Variants in MYO7B observed in about 807,000 individuals in gnomAD.
MYO7B encodes unconventional myosin-VIIb.
In MYO7B, 212 loss-of-function variants were observed where a neutral mutation model predicts 259.7. That is an observed-to-expected ratio of 0.82 (90% CI 0.73 to 0.91). The LOEUF (loss-of-function observed/expected upper bound fraction) is 0.91, where lower values mean the gene tolerates loss of function less well. Among genes scored for constraint, MYO7B ranks in the 40% least tolerant of loss-of-function variants. The probability of loss-of-function intolerance (pLI) is 0.00; values close to 1 mark genes in which losing one functional copy is unlikely to be tolerated. For synonymous variants in MYO7B, 1,197 were observed against 1,166.4 expected (o/e 1.03, Z -0.54); for missense variants, 2,732 against 2,813.5 (o/e 0.97, Z 0.66).
Position 127,585,888 on chromosome 2 carries a change from A to G in MYO7B, c.1690+975A>G, listed in dbSNP as rs770675273. Among the ~76,000 whole-genome samples the G allele has an allele frequency of 3.3e-5, 5 of 152,176 alleles. No homozygotes were observed. The highest frequency in any genetic ancestry group is 4.8e-5 in the African/African-American group (2 of 41,444). On this transcript the variant is annotated intron_variant, in intron 14 of 47. Coordinates refer to ENST00000409816, the MANE Select transcript of MYO7B (RefSeq NM_001393586.1). This position sits in a 1 kb window ranked among gnomAD's most constrained non-coding sequence, Gnocchi z 4.3. ...GCACGTCTTCTTTGGAGGGATGTCT[A>G]TTTAAATGCTCTGCCTGTGTTTTCA...
intron 1 of MYO7B, among the ~76,000 whole-genome samples, chr2:127,540,718 AT>A (rs1274743067): frequency 4.6e-5 from 7 of 152,202 alleles, no homozygotes; most frequent in African/African-American, 1.4e-4. Context: ...CTCAAGGACC[AT>A]CCCACAAATG....
At chr2:127,575,867 C>A (rs540152248) in intron 7 of MYO7B, among the ~76,000 whole-genome samples, 1 of 152,128 alleles carries the variant, frequency 6.6e-6, no homozygotes, top group Non-Finnish European at 1.5e-5. Context: ...GTAATCTTCC[C>A]GCCTCAGCCT....
rs370983220 is a variant in MYO7B at position 127,578,216 on chromosome 2, C to T, written c.933C>T (p.Ser311=). 4.4e-5 allele frequency: 71 copies of T among 1,613,748 alleles called. No homozygotes were observed. In the Middle Eastern group the frequency reaches 1.8e-3, roughly 41 times the overall value. Residue 311 remains serine, a synonymous_variant, in exon 9 of 48, where the codon TCC becomes TCT. Coordinates refer to ENST00000409816, the MANE Select transcript of MYO7B (RefSeq NM_001393586.1). ...CGGCCATGAAGATCCTCCAGTTCTC[C>T]GACTCCGAGAGCTGGGACGTCATCA... is the stretch of plus-strand genomic sequence containing the variant. ...IRSAMKILQF[S]DSESWDVIKL... is the part of the protein sequence containing the mutation.
At chr2:127,554,302 G>A (rs955153898) in intron 1 of MYO7B, among the ~76,000 whole-genome samples, 4 of 152,140 alleles carry the variant, frequency 2.6e-5, no homozygotes, top group African/African-American at 9.7e-5. Context: ...TCAAGCTCCC[G>A]GCCTCAAGTG....
chr2:127,583,443 C>T (rs1278145597), intron 12 of MYO7B, among the ~76,000 whole-genome samples: 1 of 152,172 alleles, frequency 6.6e-6, no homozygotes, highest in African/African-American at 2.4e-5. Context: ...AATGCACTCT[C>T]TAAGGCATAG....
chr2:127,603,510 C>G (rs150064048), intron 19 of MYO7B, among the ~76,000 whole-genome samples: 1 of 152,124 alleles, frequency 6.6e-6, no homozygotes, highest in South Asian at 2.1e-4. Context: ...TGAAAGAAAT[C>G]TTTTTTTCTG....
Position 127,636,197 on chromosome 2 carries a change from C to T in MYO7B, c.6007-11C>T, listed in dbSNP as rs552910749. On this transcript the variant is annotated splice_polypyrimidine_tract_variant and intron_variant, in intron 44 of 47. Coordinates refer to ENST00000409816, the MANE Select transcript of MYO7B (RefSeq NM_001393586.1). The surrounding 1 kb of genome is among the most constrained non-coding windows in gnomAD (Gnocchi z 4.5). ...GGCACCCAAGTCCTTACTGGCCCTC[C>T]TGTCCCCCAGAGCATCCTTCTAGCC... 1 of 1,605,608 alleles carries T rather than the reference C, an allele frequency of 6.2e-7. No homozygotes were observed. Among genetic ancestry groups the T allele is most frequent in the Admixed American group, 1.7e-5 (1 of 59,696 alleles).
At chr2:127,620,507 T>G in intron 27 of MYO7B, 41 bp downstream of exon 27, 1 of 1,483,582 alleles carries the variant, frequency 6.7e-7, no homozygotes. Context: ...GGGGGCAGGT[T>G]CTGGTGGGAG....
At chr2:127,575,998 A>G (rs1006337161) in intron 7 of MYO7B, among the ~76,000 whole-genome samples, 1 of 152,166 alleles carries the variant, frequency 6.6e-6, no homozygotes, top group Non-Finnish European at 1.5e-5. Flanking sequence ...AAAAATACAG[A>G]AGGCACCCTA....
intron 26 of MYO7B, among the ~76,000 whole-genome samples, chr2:127,617,259 T>C (rs961370371): frequency 7.9e-5 from 12 of 152,130 alleles, no homozygotes; most frequent in Non-Finnish European, 1.8e-4. Flanking sequence ...ATCCTTCCTC[T>C]CCCGTTCACC....
At position 127,580,627 on chromosome 2, in the gene MYO7B, C is replaced by T. The variant is rs565153617; in HGVS notation, c.1004-119C>T. On this transcript the variant is annotated intron_variant, in intron 9 of 47. Transcript: ENST00000409816. ...GGACACTGGGAGAGACCGTGGCTTA[C>T]GCCAGGGCAGCTGTCCTCCTGAGTG... 3.4e-4 allele frequency: 327 copies of T among 975,656 alleles called. 4 individuals are homozygous for T. In the South Asian group the frequency reaches 4.6e-3, roughly 14 times the overall value. The allele number at this position is 975,656 out of a possible 1,614,324, so 60.4% of individuals were successfully genotyped here. A position where few individuals can be genotyped will look rare whatever the true frequency, so the allele number is the denominator to read the frequency against.
intron 17 of MYO7B, 54 bp from the exon 18 acceptor site, chr2:127,593,492 C>T (rs1679648306): frequency 1.3e-6 from 2 of 1,538,666 alleles, no homozygotes; most frequent in Middle Eastern, 1.8e-4. Flanking sequence ...CCCAGAGAGC[C>T]GCCGAGGGGT....
chr2:127,588,593 G>A, intron 15 of MYO7B, 38 bp downstream of exon 15: 1 of 1,610,342 alleles, frequency 6.2e-7, no homozygotes, highest in Non-Finnish European at 8.5e-7. Flanking sequence ...TGTCACCCCT[G>A]ATGGCTACAG....
At chr2:127,629,025 G>A (rs1184962254) in intron 34 of MYO7B, among the ~76,000 whole-genome samples, 2 of 152,234 alleles carry the variant, frequency 1.3e-5, no homozygotes, top group African/African-American at 4.8e-5. Context: ...GGCTGTGTCT[G>A]TGGGCTATGG....
In MYO7B at chr2:127,636,231, G is replaced by A. The variant is rs1301549040; in HGVS notation, c.6030G>A (p.Lys2010=). The A allele has an allele frequency of 1.9e-6, 3 of 1,613,434 alleles. No homozygotes were observed. Among genetic ancestry groups the A allele is most frequent in the Non-Finnish European group, 8.5e-7 (1 of 1,179,674 alleles). ...WKKSILLAYD[K]HKDKTVEEAK... ...AGAGCATCCTTCTAGCCTATGACAA[G>A]CATAAGGACAAGACAGTGGAGGAGG... The change falls in exon 45 of 48, where the codon AAG becomes AAA. Residue 2010 remains lysine, a synonymous_variant. Transcript: ENST00000409816. The surrounding 1 kb of genome is among the most constrained non-coding windows in gnomAD (Gnocchi z 4.5).
chr2:127,634,271 C>T lies in MYO7B; in HGVS notation c.5607C>T (p.Phe1869=), dbSNP rs1230021554. 2 of 1,582,292 alleles carry T rather than the reference C, an allele frequency of 1.3e-6. No homozygotes were observed. Among genetic ancestry groups the T allele is most frequent in the Non-Finnish European group, 1.7e-6 (2 of 1,168,650 alleles). The change falls in exon 41 of 48, where the codon TTC becomes TTT. Residue 1869 remains phenylalanine, a synonymous_variant. Transcript: ENST00000409816. The stretch of plus-strand genomic sequence containing the variant: ...CCTCCTGGGAGGGCTGCAGCCTCTT[C>T]ATCAAGATTTCAGACAAGGTGGGCC... ...QLASWEGCSL[F]IKISDKVISQ...
rs1045239933 is a variant in MYO7B at position 127,586,140 on chromosome 2, A to T, written c.1690+1227A>T. ...AGAGTCCAGGGTCAAATACAAAGTC[A>T]TGAAGATTTATCCCTATGTTTTCTT... On this transcript the variant is annotated intron_variant, in intron 14 of 47. Transcript: ENST00000409816. This position sits in a 1 kb window ranked among gnomAD's most constrained non-coding sequence, Gnocchi z 4.8. Among the ~76,000 whole-genome samples, 1 of 152,208 alleles carries T rather than the reference A, an allele frequency of 6.6e-6. No individual in the cohort carries two copies. The highest frequency in any genetic ancestry group is 1.5e-5 in the Non-Finnish European group (1 of 68,036).
intron 19 of MYO7B, among the ~76,000 whole-genome samples, chr2:127,600,185 A>C (rs1033593099): frequency 3.9e-5 from 6 of 152,154 alleles, no homozygotes; most frequent in Non-Finnish European, 7.4e-5. Flanking sequence ...TAGTTATAGG[A>C]ATGATTCAAA....
At chr2:127,554,775 G>C (rs774598702) in intron 1 of MYO7B, among the ~76,000 whole-genome samples, 1 of 151,968 alleles carries the variant, frequency 6.6e-6, no homozygotes, top group Non-Finnish European at 1.5e-5. Flanking sequence ...TTATTGGTCT[G>C]TTCAGGGTAT....
Sources: gnomAD v4.1 joint callset for allele counts (sites outside exome capture counted in the v4.1 genomes callset) on GRCh38, gnomAD v4.1.1 for gene constraint, Gnocchi (gnomAD v3.1) non-coding constraint, MANE v1.5 for transcripts, NCBI Gene and HGNC (gene_info 2026-07-23, HGNC 2026-07-21) for gene names.